ROBO2: variants seen among roughly 807,000 people sequenced by gnomAD.
ROBO2 encodes roundabout homolog 2.
In ROBO2, 53 loss-of-function variants were observed where a neutral mutation model predicts 160.8. The observed-to-expected ratio is 0.33, with a 90% CI of 0.26 to 0.41. The LOEUF is 0.41. ROBO2 is among the 10% of genes least tolerant of loss of function. The probability of loss-of-function intolerance (pLI) is 1.00; values close to 1 mark genes in which losing one functional copy is unlikely to be tolerated. For synonymous variants in ROBO2, 664 were observed against 611.7 expected (o/e 1.09, Z -1.26); for missense variants, 1,577 against 1,722.4 (o/e 0.92, Z 1.49).
intron 2 of ROBO2, among the ~76,000 whole-genome samples, chr3:76,129,273 G>A (rs1461035358): frequency 6.6e-6 from 1 of 152,100 alleles, no homozygotes; most frequent in Non-Finnish European, 1.5e-5. Flanking sequence ...CTGCTGTACA[G>A]TAGTGAATGA....
chr3:77,565,734 T>C (rs1204981727), intron 12 of ROBO2, among the ~76,000 whole-genome samples: 1 of 152,124 alleles, frequency 6.6e-6, no homozygotes, highest in African/African-American at 2.4e-5. Flanking sequence ...GAGCAATTTA[T>C]TACAGACAGC....
intron 2 of ROBO2, among the ~76,000 whole-genome samples, chr3:76,521,144 G>T (rs1577854897): frequency 6.6e-6 from 1 of 150,894 alleles, no homozygotes; most frequent in South Asian, 2.1e-4. Flanking sequence ...TGCCTTTCGG[G>T]TTCAAGCAAT....
At chr3:76,748,533 G>A (rs12152441) in intron 2 of ROBO2, among the ~76,000 whole-genome samples, 47,562 of 151,304 alleles carry the variant, frequency 0.31, 9,277 homozygotes, top group Non-Finnish European at 0.43. Context: ...CAATAAAAAT[G>A]TAAATGAAAC....
intron 16 of ROBO2, among the ~76,000 whole-genome samples, chr3:77,585,503 T>C (rs977655488): frequency 3.3e-5 from 5 of 152,058 alleles, no homozygotes; most frequent in African/African-American, 7.2e-5. Context: ...TTTCACATTT[T>C]TCTATGAGAT....
At chr3:77,642,733 C>A (rs1456699473) in intron 24 of ROBO2, 1 of 456,594 alleles carries the variant, frequency 2.2e-6, no homozygotes, top group African/African-American at 2.0e-5. Context: ...AGGCCCGAGC[C>A]AGCAGGCTGG....
chr3:76,453,137 C>T (rs1440412747), intron 2 of ROBO2, among the ~76,000 whole-genome samples: 1 of 152,168 alleles, frequency 6.6e-6, no homozygotes, highest in African/African-American at 2.4e-5. Flanking sequence ...CCTGTTCACT[C>T]TGATGGTAGT....
At chr3:76,248,976 G>A (rs1471512867) in intron 2 of ROBO2, among the ~76,000 whole-genome samples, 2 of 152,104 alleles carry the variant, frequency 1.3e-5, no homozygotes, top group Admixed American at 6.6e-5. Flanking sequence ...ATGATTGACT[G>A]ATTTTCTAAG....
At chr3:77,216,074 G>C (rs2084900531) in intron 2 of ROBO2, among the ~76,000 whole-genome samples, 1 of 152,166 alleles carries the variant, frequency 6.6e-6, no homozygotes, top group Non-Finnish European at 1.5e-5. Flanking sequence ...ATCTCCAGCT[G>C]CATGCTGGGA....
chr3:76,874,364 TTTCAA>T (rs2072476517), intron 2 of ROBO2, among the ~76,000 whole-genome samples: 1 of 152,210 alleles, frequency 6.6e-6, no homozygotes, highest in Admixed American at 6.5e-5. Context: ...CTTTTTTCCC[TTTCAA>T]TTCATTATTC....
intron 2 of ROBO2, among the ~76,000 whole-genome samples, chr3:77,238,833 C>G (rs1322122730): frequency 1.3e-5 from 2 of 152,096 alleles, no homozygotes; most frequent in African/African-American, 4.8e-5. Context: ...ATCATAGTGA[C>G]GTAGATGTTT....
At chr3:76,191,773 C>T (rs1436181000) in intron 2 of ROBO2, among the ~76,000 whole-genome samples, 1 of 152,026 alleles carries the variant, frequency 6.6e-6, no homozygotes, top group African/African-American at 2.4e-5. Flanking sequence ...GTTCCAAATA[C>T]TTCTTTTTGT....
intron 2 of ROBO2, among the ~76,000 whole-genome samples, chr3:76,114,032 C>T (rs534492391): frequency 6.6e-6 from 1 of 152,200 alleles, no homozygotes; most frequent in South Asian, 2.1e-4. Flanking sequence ...ATGCTGGTAC[C>T]ATGCTGGTAC....
In ROBO2 at chr3:77,635,047, G is replaced by A. The variant is rs2095240341; in HGVS notation, c.3934+4G>A. 3 of 1,613,956 alleles carry A rather than the reference G, an allele frequency of 1.9e-6. No homozygotes were observed. Among genetic ancestry groups the A allele is most frequent in the Non-Finnish European group, 2.5e-6 (3 of 1,179,930 alleles). ...CGAAGGGAAGGAATGACAGATGGTA[G>A]GTTTCTTCCCTTTACTCTTGTTTCC... On this transcript the variant is annotated splice_donor_region_variant and intron_variant, in intron 24 of 25. Transcript: ENST00000461745.
At chr3:77,319,008 T>C (rs1227730015) in intron 2 of ROBO2, among the ~76,000 whole-genome samples, 2 of 152,184 alleles carry the variant, frequency 1.3e-5, no homozygotes, top group Non-Finnish European at 2.9e-5. Flanking sequence ...AGATCCGTCT[T>C]CTAGAGACAT....
In ROBO2 at chr3:77,388,827, A is replaced by T. The variant is rs1438362119; in HGVS notation, c.389-88587A>T. ...AATCTATAAAAAATTTGTCTGAAAG[A>T]GCCATGTCTCTAAAGACAATTTTTA... On this transcript the variant is annotated intron_variant, in intron 2 of 25. Transcript: ENST00000461745. Among the ~76,000 whole-genome samples the T allele has an allele frequency of 3.9e-5, 6 of 152,372 alleles. No individual in the cohort carries two copies. The East Asian group carries it at 1.2e-3, about 29-fold the overall frequency.
At chr3:77,171,364 T>G (rs377359473) in intron 2 of ROBO2, among the ~76,000 whole-genome samples, 1 of 152,208 alleles carries the variant, frequency 6.6e-6, no homozygotes, top group East Asian at 1.9e-4. Context: ...TTCGTCCTGC[T>G]TAGAAAACTG....
chr3:76,709,143 T>G (rs2093235086), intron 2 of ROBO2, among the ~76,000 whole-genome samples: 1 of 152,202 alleles, frequency 6.6e-6, no homozygotes. Flanking sequence ...ATGAAAAGGT[T>G]GGCATTAAAC....
intron 12 of ROBO2, among the ~76,000 whole-genome samples, chr3:77,566,512 C>T (rs1244345877): frequency 6.6e-6 from 1 of 151,896 alleles, no homozygotes; most frequent in Non-Finnish European, 1.5e-5. Context: ...AATTGTAGTA[C>T]CGTGATCATT....
chr3:77,246,430 A>C (rs1329236898), intron 2 of ROBO2, among the ~76,000 whole-genome samples: 3 of 151,792 alleles, frequency 2.0e-5, no homozygotes, highest in African/African-American at 7.3e-5. Flanking sequence ...TTTTGTGGCT[A>C]CACTCACTTT....
Sources: allele counts gnomAD v4.1 joint callset (sites outside exome capture counted in the v4.1 genomes callset), GRCh38; gene constraint gnomAD v4.1.1; transcripts MANE v1.5; gene names NCBI Gene and HGNC (gene_info 2026-07-23, HGNC 2026-07-21).